MLLT3: variants seen among roughly 807,000 people sequenced by gnomAD.
The protein encoded by MLLT3 is protein AF-9.
In MLLT3, 4 loss-of-function variants were observed where a neutral mutation model predicts 53.2. The observed-to-expected ratio is 0.08, with a 90% confidence interval of 0.04 to 0.17. The LOEUF (loss-of-function observed/expected upper bound fraction) is 0.17. MLLT3 is among the 10% of genes least tolerant of loss of function. The pLI, the probability that MLLT3 is intolerant of heterozygous loss-of-function variation, is 1.00. For missense variants in MLLT3, 569 were observed against 684.0 expected, an observed-to-expected ratio of 0.83 and a Z score of 1.87; for synonymous variants, 283 against 230.6, an observed-to-expected ratio of 1.23 and a Z score of -2.06.
chr9:20,486,494 C>G (rs1024794183), intron 2 of MLLT3, among the ~76,000 whole-genome samples: 30 of 152,146 alleles, frequency 2.0e-4, no homozygotes, highest in African/African-American at 6.5e-4. Flanking sequence ...AACAAACATC[C>G]TATCCTCTAC....
At position 20,346,297 on chromosome 9, in the gene MLLT3, G is replaced by A. The variant is rs1262923312; in HGVS notation, c.*146C>T. 1.2e-6 allele frequency: 1 copy of A among 852,378 alleles called. No homozygotes were observed. Among genetic ancestry groups the A allele is most frequent in the Non-Finnish European group, 1.7e-6 (1 of 590,056 alleles). The allele number at this position is 852,378 out of a possible 1,614,324, so 52.8% of individuals were successfully genotyped here. The stretch of plus-strand genomic sequence containing the variant: ...GCTTTAAAGAAAAATAAAGCTGAAG[G>A]TTGTTTGATTTTTATTTTTTCCCTT... On this transcript the variant is annotated 3_prime_UTR_variant, in exon 11 of 11. Coordinates refer to ENST00000380338, the MANE Select transcript of MLLT3 (RefSeq NM_004529.4).
intron 2 of MLLT3, among the ~76,000 whole-genome samples, chr9:20,489,974 CAAAT>C (rs1418235237): frequency 6.6e-6 from 1 of 152,072 alleles, no homozygotes; most frequent in African/African-American, 2.4e-5. Flanking sequence ...GGCAAGTACT[CAAAT>C]AAATACATGG....
intron 4 of MLLT3, among the ~76,000 whole-genome samples, chr9:20,443,309 T>A (rs1823599748): frequency 6.6e-6 from 1 of 152,160 alleles, no homozygotes; most frequent in Non-Finnish European, 1.5e-5. Context: ...TGTGCTTTCT[T>A]CGTAGAAGCA....
At chr9:20,359,370 C>CG (rs1198524837) in intron 8 of MLLT3, among the ~76,000 whole-genome samples, 4 of 152,078 alleles carry the variant, frequency 2.6e-5, no homozygotes, top group Non-Finnish European at 4.4e-5. Flanking sequence ...AGGTAAAAGA[C>CG]GGCTGGGCCA....
At chr9:20,549,206 G>A (rs1278775654) in intron 2 of MLLT3, among the ~76,000 whole-genome samples, 2 of 152,280 alleles carry the variant, frequency 1.3e-5, no homozygotes, top group East Asian at 1.9e-4. Flanking sequence ...TCAAATCACT[G>A]ATTAAATTAT....
At chr9:20,463,621 A>G (rs1824165498) in intron 2 of MLLT3, among the ~76,000 whole-genome samples, 1 of 152,188 alleles carries the variant, frequency 6.6e-6, no homozygotes. Flanking sequence ...GTAACTCAGT[A>G]TACAGAATTG....
intron 2 of MLLT3, among the ~76,000 whole-genome samples, chr9:20,547,034 C>T (rs553707039): frequency 5.9e-5 from 9 of 152,284 alleles, no homozygotes; most frequent in African/African-American, 2.2e-4. Context: ...CTCTGGGTCT[C>T]TTCTTTGGCC....
intron 2 of MLLT3, among the ~76,000 whole-genome samples, chr9:20,546,966 G>A (rs1364241251): frequency 1.3e-5 from 2 of 152,174 alleles, no homozygotes; most frequent in East Asian, 3.9e-4. Context: ...CCAGCCTGCT[G>A]CCACTGGATT....
chr9:20,547,667 C>T (rs1818823517), intron 2 of MLLT3, among the ~76,000 whole-genome samples: 1 of 135,526 alleles, frequency 7.4e-6, no homozygotes, highest in African/African-American at 2.7e-5. Context: ...AAAAAAGGTA[C>T]ATACACTGGA....
intron 2 of MLLT3, among the ~76,000 whole-genome samples, chr9:20,487,910 T>C (rs1411278653): frequency 6.6e-6 from 1 of 152,126 alleles, no homozygotes; most frequent in Non-Finnish European, 1.5e-5. Context: ...AGTTCAAAGC[T>C]TTATTTTTTT....
At chr9:20,521,272 T>C (rs1818050942) in intron 2 of MLLT3, among the ~76,000 whole-genome samples, 1 of 152,134 alleles carries the variant, frequency 6.6e-6, no homozygotes, top group Non-Finnish European at 1.5e-5. Flanking sequence ...GGTTTCGCCG[T>C]GTTGGCCAGT....
chr9:20,435,525 C>T (rs1475256562), intron 4 of MLLT3, among the ~76,000 whole-genome samples: 1 of 152,148 alleles, frequency 6.6e-6, no homozygotes, highest in Non-Finnish European at 1.5e-5. Context: ...TACTCAAATA[C>T]TTCAAAATGA....
At chr9:20,605,996 C>A (rs1820554332) in intron 2 of MLLT3, among the ~76,000 whole-genome samples, 1 of 152,014 alleles carries the variant, frequency 6.6e-6, no homozygotes, top group African/African-American at 2.4e-5. Context: ...AAAGTAACTC[C>A]CAAATGCTGG....
At chr9:20,417,129 T>C (rs930633232) in intron 4 of MLLT3, among the ~76,000 whole-genome samples, 19 of 146,722 alleles carry the variant, frequency 1.3e-4, no homozygotes, top group Admixed American at 3.4e-4. Flanking sequence ...AGACATTAAA[T>C]TGTCACTGAC....
chr9:20,486,266 A>G (rs1824809247), intron 2 of MLLT3, among the ~76,000 whole-genome samples: 1 of 152,174 alleles, frequency 6.6e-6, no homozygotes, highest in South Asian at 2.1e-4. Context: ...TGCTTTCTGG[A>G]ATAACTATTT....
At chr9:20,532,876 A>T in intron 2 of MLLT3, 1 of 263,868 alleles carries the variant, frequency 3.8e-6, no homozygotes, top group Non-Finnish European at 7.3e-6. Flanking sequence ...GAGGCAAAGC[A>T]AGACAAGAAG....
chr9:20,553,746 A>G (rs568093728), intron 2 of MLLT3, among the ~76,000 whole-genome samples: 1 of 152,312 alleles, frequency 6.6e-6, no homozygotes, highest in African/African-American at 2.4e-5. Context: ...AAGACAGGAA[A>G]CAACAGGAGC....
intron 1 of MLLT3, 171 bp downstream of exon 1, chr9:20,622,074 G>C (rs1821034062): frequency 5.7e-6 from 1 of 174,282 alleles, no homozygotes; most frequent in Admixed American, 7.3e-5. Flanking sequence ...CCGGGGGGGG[G>C]TGGGGGAGGA....
At chr9:20,574,710 G>A (rs1257698165) in intron 2 of MLLT3, among the ~76,000 whole-genome samples, 1 of 152,120 alleles carries the variant, frequency 6.6e-6, no homozygotes, top group African/African-American at 2.4e-5. Context: ...TAATCAGGGT[G>A]GTGGGTGATG....
Sources: allele counts gnomAD v4.1 joint callset (sites outside exome capture counted in the v4.1 genomes callset), GRCh38; gene constraint gnomAD v4.1.1; transcripts MANE v1.5; gene names NCBI Gene and HGNC (gene_info 2026-07-23, HGNC 2026-07-21).